KCNC1: variants seen among roughly 807,000 people sequenced by gnomAD.
KCNC1 encodes voltage-gated potassium channel KCNC1.
Under a neutral mutation model 43.4 loss-of-function variants are expected in KCNC1, and 8 were observed. That is an observed-to-expected ratio of 0.18 (90% CI 0.11 to 0.33). The LOEUF (loss-of-function observed/expected upper bound fraction) is 0.33. KCNC1 is among the 10% of genes least tolerant of loss of function. KCNC1 has a pLI of 1.00. For synonymous variants in KCNC1, 361 were observed against 360.5 expected (o/e 1.00, Z -0.01); for missense variants, 420 against 836.0 (o/e 0.50, Z 6.14).
chr11:17,781,635 G>A lies in KCNC1; in HGVS notation c.1694-35G>A, dbSNP rs1461941818. On this transcript the variant is annotated intron_variant, in intron 3 of 3. Transcript: ENST00000265969. This position sits in a 1 kb window ranked among gnomAD's most constrained non-coding sequence, Gnocchi z 5.1. Reference sequence around the variant, plus strand: ...AAGCGGGATGGGAGAGCCAAGAAGAGAAGCTCAAGTGTTAATTGTATTCTT... The same window carrying A: ...AAGCGGGATGGGAGAGCCAAGAAGAAAAGCTCAAGTGTTAATTGTATTCTT... The A allele has an allele frequency of 6.2e-6, 9 of 1,442,766 alleles. No homozygotes were observed. The allele number at this position is 1,442,766 out of a possible 1,614,324, so 89.4% of individuals were successfully genotyped here. A position where few individuals can be genotyped will look rare whatever the true frequency, so the allele number is the denominator to read the frequency against.
chr11:17,764,833 C>T (rs762991003), intron 1 of KCNC1, among the ~76,000 whole-genome samples: 6 of 152,188 alleles, frequency 3.9e-5, no homozygotes, highest in Non-Finnish European at 8.8e-5. Flanking sequence ...ATTCCCGGCC[C>T]GCGGAAGTCC....
At chr11:17,778,574 C>T (rs1356739236) in intron 2 of KCNC1, among the ~76,000 whole-genome samples, 1 of 152,214 alleles carries the variant, frequency 6.6e-6, no homozygotes, top group East Asian at 1.9e-4. Context: ...AAGACACTGG[C>T]TTGATATGTG....
In KCNC1 at chr11:17,736,967, ACTGTC is replaced by A. The variant is rs1450250491; in HGVS notation, c.570+396_570+400del. Among the ~76,000 whole-genome samples, 1 of 152,204 alleles carries A rather than the reference ACTGTC, an allele frequency of 6.6e-6. No homozygotes were observed. Among genetic ancestry groups the A allele is most frequent in the Non-Finnish European group, 1.5e-5 (1 of 68,042 alleles). On this transcript the variant is annotated intron_variant, in intron 1 of 3. Transcript: ENST00000265969. The surrounding 1 kb of genome is among the most constrained non-coding windows in gnomAD (Gnocchi z 9.3). The stretch of plus-strand genomic sequence containing the variant: ...AACATTTGTGTCTTTGCAGAGGTGC[ACTGTC>A]AAAGTATGGACTGCTCTCGAGATTT...
rs548087469 is a variant in KCNC1 at position 17,781,244 on chromosome 11, C to T, written c.1694-426C>T. The T allele has an allele frequency of 6.8e-4, 113 of 165,408 alleles. 1 individual carries two copies. Among genetic ancestry groups the T allele is most frequent in the African/African-American group, 2.5e-3 (103 of 42,010 alleles). The allele number at this position is 165,408 out of a possible 1,614,324, so 10.2% of individuals were successfully genotyped here. A position where few individuals can be genotyped will look rare whatever the true frequency, so the allele number is the denominator to read the frequency against. ...CTCCCTGCAGTGGCTGGGAGTCCAG[C>T]GGTAAGCACTGTCCACAGGAGATAC... On this transcript the variant is annotated intron_variant, in intron 3 of 3. Transcript: ENST00000265969. This position sits in a 1 kb window ranked among gnomAD's most constrained non-coding sequence, Gnocchi z 5.1.
Position 17,739,362 on chromosome 11 carries a change from CGTGTGTGT to C in KCNC1, c.570+2820_570+2827del, listed in dbSNP as rs35211986. ...GTGAGAATAAATGTGAGACTCCAGG[CGTGTGTGT>C]GTGTGTGTGTGTGTGTGTGTGTGTG... On this transcript the variant is annotated intron_variant, in intron 1 of 3. Coordinates refer to ENST00000265969, the MANE Select transcript of KCNC1 (RefSeq NM_001112741.2). This position sits in a 1 kb window ranked among gnomAD's most constrained non-coding sequence, Gnocchi z 4.2. Among the ~76,000 whole-genome samples, 14,511 of 149,412 alleles carry C rather than the reference CGTGTGTGT, an allele frequency of 0.097. 883 individuals are homozygous for C. Among genetic ancestry groups the C allele is most frequent in the African/African-American group, 0.15 (6,168 of 40,228 alleles).
At chr11:17,743,045 C>T (rs768366821) in intron 1 of KCNC1, among the ~76,000 whole-genome samples, 1 of 152,180 alleles carries the variant, frequency 6.6e-6, no homozygotes, top group Non-Finnish European at 1.5e-5. Flanking sequence ...TTTTCCAGAA[C>T]CCCCTTCCTT....
chr11:17,775,758 A>G (rs1454783598), intron 2 of KCNC1: 1 of 985,680 alleles, frequency 1.0e-6, no homozygotes, highest in East Asian at 1.1e-4. Flanking sequence ...GTCAGTGAGC[A>G]GTGGGTGGCC....
Position 17,771,207 on chromosome 11 carries a change from GC to G in KCNC1, c.571-453del, listed in dbSNP as rs1180955348. On this transcript the variant is annotated intron_variant, in intron 1 of 3. Transcript: ENST00000265969. The surrounding 1 kb of genome is among the most constrained non-coding windows in gnomAD (Gnocchi z 4.7). ...TGAGGGGCTTCATTCCACTCTAGCTGCCCCCTCTTATTTCTTTGCAAACTTC... is the reference window on the plus strand; with the variant it reads ...TGAGGGGCTTCATTCCACTCTAGCTGCCCCTCTTATTTCTTTGCAAACTTC... Among the ~76,000 whole-genome samples, 1 of 151,248 alleles carries G rather than the reference GC, an allele frequency of 6.6e-6. No homozygotes were observed. The highest frequency in any genetic ancestry group is 1.5e-5 in the Non-Finnish European group (1 of 67,900).
In KCNC1 at chr11:17,773,457, C is replaced by T; in HGVS notation, c.1504+859C>T. 2 of 985,256 alleles carry T rather than the reference C, an allele frequency of 2.0e-6. No individual in the cohort carries two copies. Among genetic ancestry groups the T allele is most frequent in the Non-Finnish European group, 2.4e-6 (2 of 829,932 alleles). The allele number at this position is 985,256 out of a possible 1,614,324, so 61.0% of individuals were successfully genotyped here. On this transcript the variant is annotated intron_variant, in intron 2 of 3. Transcript: ENST00000265969. The surrounding 1 kb of genome is among the most constrained non-coding windows in gnomAD (Gnocchi z 4.1). The stretch of plus-strand genomic sequence containing the variant: ...GAAAGCGCTACAGACCAGCAACAGC[C>T]TCCCACCGAGGGTTCTCCCCGTTTC...
chr11:17,774,911 T>C, intron 2 of KCNC1: 6 of 985,348 alleles, frequency 6.1e-6, no homozygotes, highest in Non-Finnish European at 7.2e-6. Context: ...CACTTCTCCC[T>C]CCAAAAGCTG....
chr11:17,758,863 A>C (rs773831016), intron 1 of KCNC1, among the ~76,000 whole-genome samples: 95 of 152,208 alleles, frequency 6.2e-4, no homozygotes, highest in Non-Finnish European at 1.1e-3. Context: ...TCTTAAGGGC[A>C]CTGGGACTCA....
At position 17,777,424 on chromosome 11, in the gene KCNC1, G is replaced by T; in HGVS notation, c.1505-2032G>T. On this transcript the variant is annotated intron_variant, in intron 2 of 3. Coordinates refer to ENST00000265969, the MANE Select transcript of KCNC1 (RefSeq NM_001112741.2). This position sits in a 1 kb window ranked among gnomAD's most constrained non-coding sequence, Gnocchi z 4.3. ...GGAAAATCCATGCAGGGTGCTATGG[G>T]CCTCAACCCCCACATCGTCATCCGC... The T allele has an allele frequency of 1.0e-6, 1 of 985,858 alleles. No individual in the cohort carries two copies. The allele number at this position is 985,858 out of a possible 1,614,324, so 61.1% of individuals were successfully genotyped here.
intron 1 of KCNC1, among the ~76,000 whole-genome samples, chr11:17,748,891 C>G (rs1011172976): frequency 4.6e-5 from 7 of 152,160 alleles, no homozygotes; most frequent in African/African-American, 1.7e-4. Flanking sequence ...TGGTGCCCAG[C>G]AGGAGATGGT....
Position 17,777,895 on chromosome 11 carries a change from A to T in KCNC1, c.1505-1561A>T. On this transcript the variant is annotated intron_variant, in intron 2 of 3. Transcript: ENST00000265969. The surrounding 1 kb of genome is among the most constrained non-coding windows in gnomAD (Gnocchi z 4.3). ...GGTAATCCCACCCACGTGCACGCCC[A>T]GCGTGTGCACGTGGGGAAGGATCAC... 1 of 963,864 alleles carries T rather than the reference A, an allele frequency of 1.0e-6. No individual in the cohort carries two copies. The highest frequency in any genetic ancestry group is 1.2e-6 in the Non-Finnish European group (1 of 809,682). The allele number at this position is 963,864 out of a possible 1,614,324, so 59.7% of individuals were successfully genotyped here. A position where few individuals can be genotyped will look rare whatever the true frequency, so the allele number is the denominator to read the frequency against.
chr11:17,736,435 G>A lies in KCNC1; in HGVS notation c.433G>A (p.Gly145Ser). ...CGACGGCCCTGGCGACTCGGGCGAC[G>A]GCGAGGACGAGCTGGAGATGACCAA... ...DADGPGDSGD[G>S]EDELEMTKRL... The change falls in exon 1 of 4, where the codon GGC becomes AGC. Residue 145 changes from glycine to serine, a missense_variant. Physicochemically the swap from Gly to Ser is moderately conservative, Grantham distance 56. Coordinates refer to ENST00000265969, the MANE Select transcript of KCNC1 (RefSeq NM_001112741.2). This position sits in a 1 kb window ranked among gnomAD's most constrained non-coding sequence, Gnocchi z 9.3. The A allele has an allele frequency of 1.2e-6, 2 of 1,606,312 alleles. No homozygotes were observed. Among genetic ancestry groups the A allele is most frequent in the Non-Finnish European group, 8.5e-7 (1 of 1,178,234 alleles).
At chr11:17,774,837 C>T (rs995135169) in intron 2 of KCNC1, 10 of 985,374 alleles carry the variant, frequency 1.0e-5, no homozygotes, top group South Asian at 4.7e-5. Context: ...ACTCACTTCC[C>T]GGTGGTGTTG....
chr11:17,777,999 C>T lies in KCNC1; in HGVS notation c.1505-1457C>T, dbSNP rs1849304578. Among the ~76,000 whole-genome samples the T allele has an allele frequency of 6.6e-6, 1 of 152,154 alleles. No individual in the cohort carries two copies. Among genetic ancestry groups the T allele is most frequent in the African/African-American group, 2.4e-5 (1 of 41,450 alleles). On this transcript the variant is annotated intron_variant, in intron 2 of 3. Coordinates refer to ENST00000265969, the MANE Select transcript of KCNC1 (RefSeq NM_001112741.2). The surrounding 1 kb of genome is among the most constrained non-coding windows in gnomAD (Gnocchi z 4.3). The stretch of plus-strand genomic sequence containing the variant: ...GTGGACATTGTCTCCAGCCTTTTCC[C>T]CCCACTCTACTCTTTCAGAGAGCCT...
At chr11:17,758,886 T>C (rs532789887) in intron 1 of KCNC1, among the ~76,000 whole-genome samples, 1 of 152,302 alleles carries the variant, frequency 6.6e-6, no homozygotes, top group East Asian at 1.9e-4. Flanking sequence ...GAGTGGTAAG[T>C]GAGTATTGGC....
At position 17,736,441 on chromosome 11, in the gene KCNC1, G is replaced by T; in HGVS notation, c.439G>T (p.Asp147Tyr). The change falls in exon 1 of 4, where the codon GAC becomes TAC. Residue 147 changes from aspartate (D) to tyrosine (Y), a missense_variant. Coordinates refer to ENST00000265969, the MANE Select transcript of KCNC1 (RefSeq NM_001112741.2). The surrounding 1 kb of genome is among the most constrained non-coding windows in gnomAD (Gnocchi z 9.3). Reference protein sequence around the residue: ...DGPGDSGDGEDELEMTKRLAL... With the variant: ...DGPGDSGDGEYELEMTKRLAL... The stretch of plus-strand genomic sequence containing the variant: ...CCCTGGCGACTCGGGCGACGGCGAG[G>T]ACGAGCTGGAGATGACCAAGCGCCT... The T allele has an allele frequency of 6.2e-7, 1 of 1,605,512 alleles. No homozygotes were observed. The highest frequency in any genetic ancestry group is 8.5e-7 in the Non-Finnish European group (1 of 1,178,166).
Sources: gnomAD v4.1 joint callset for allele counts (sites outside exome capture counted in the v4.1 genomes callset) on GRCh38, gnomAD v4.1.1 for gene constraint, Gnocchi (gnomAD v3.1) non-coding constraint, MANE v1.5 for transcripts, NCBI Gene and HGNC (gene_info 2026-07-23, HGNC 2026-07-21) for gene names.